Variants in EYS observed in about 807,000 individuals in gnomAD.
EYS encodes EGF-like photoreceptor maintenance factor, also known as protein eyes shut homolog.
EYS carries 250 observed loss-of-function variants against 282.1 expected under a neutral mutation model. The observed-to-expected ratio is 0.89, with a 90% confidence interval of 0.80 to 0.98. The LOEUF is 0.98. Ranked by LOEUF, EYS falls within the 50% of genes least tolerant of loss-of-function variation. The probability of loss-of-function intolerance (pLI) is 0.00; values close to 1 mark genes in which losing one functional copy is unlikely to be tolerated. For synonymous variants in EYS, 1,355 were observed against 1,282.9 expected (o/e 1.06, Z -1.20); for missense variants, 4,016 against 3,709.0 (o/e 1.08, Z -2.15).
chr6:64,406,918 T>A (rs1289775052), intron 28 of EYS, among the ~76,000 whole-genome samples: 2 of 151,994 alleles, frequency 1.3e-5, no homozygotes, highest in Non-Finnish European at 2.9e-5. Context: ...GATCTAGAAC[T>A]AGAAAATTGA....
chr6:64,191,632 T>C (rs1200152313), intron 31 of EYS, among the ~76,000 whole-genome samples: 1 of 152,194 alleles, frequency 6.6e-6, no homozygotes, highest in Non-Finnish European at 1.5e-5. Context: ...TCCAATTTCA[T>C]CCATGTCCCT....
chr6:64,456,643 C>T (rs1409811264), intron 26 of EYS, among the ~76,000 whole-genome samples: 1 of 151,904 alleles, frequency 6.6e-6, no homozygotes, highest in Non-Finnish European at 1.5e-5. Context: ...AAAGTTATTG[C>T]AACAAAAATT....
chr6:65,555,453 C>G (rs1039397401), intron 2 of EYS, among the ~76,000 whole-genome samples: 7 of 151,890 alleles, frequency 4.6e-5, no homozygotes, highest in African/African-American at 1.7e-4. Context: ...TATATTAGTT[C>G]ATATTACTTA....
chr6:64,376,488 C>T (rs561729040), intron 29 of EYS, among the ~76,000 whole-genome samples: 1 of 152,304 alleles, frequency 6.6e-6, no homozygotes, highest in South Asian at 2.1e-4. Flanking sequence ...GACATAATAT[C>T]TTAGAAACTT....
At chr6:65,013,078 G>GA (rs1466340286) in intron 13 of EYS, among the ~76,000 whole-genome samples, 1 of 152,072 alleles carries the variant, frequency 6.6e-6, no homozygotes, top group Non-Finnish European at 1.5e-5. Flanking sequence ...TACTCATGCA[G>GA]AAAAAATGAA....
At chr6:65,199,595 T>C (rs1765851420) in intron 12 of EYS, among the ~76,000 whole-genome samples, 1 of 152,062 alleles carries the variant, frequency 6.6e-6, no homozygotes, top group Non-Finnish European at 1.5e-5. Flanking sequence ...TCATAGCAAA[T>C]ATTATATAAG....
intron 21 of EYS, among the ~76,000 whole-genome samples, chr6:64,818,848 T>A (rs1764817981): frequency 6.6e-6 from 1 of 152,142 alleles, no homozygotes; most frequent in African/African-American, 2.4e-5. Context: ...TAATCTCCTT[T>A]GGCAATACTC....
chr6:64,598,513 T>C (rs1041195405), intron 24 of EYS, among the ~76,000 whole-genome samples: 6 of 152,180 alleles, frequency 3.9e-5, no homozygotes, highest in African/African-American at 9.6e-5. Context: ...GATGATATAG[T>C]AATTTCTATG....
At chr6:64,141,059 A>C (rs192844977) in intron 31 of EYS, among the ~76,000 whole-genome samples, 1 of 152,300 alleles carries the variant, frequency 6.6e-6, no homozygotes, top group East Asian at 1.9e-4. Context: ...TCATTGGATT[A>C]TTATTTTATA....
At chr6:64,223,020 C>A (rs924510253) in intron 31 of EYS, among the ~76,000 whole-genome samples, 1 of 151,798 alleles carries the variant, frequency 6.6e-6, no homozygotes, top group Non-Finnish European at 1.5e-5. Context: ...AACTTTCTTT[C>A]CTCTGCTTTT....
intron 7 of EYS, among the ~76,000 whole-genome samples, chr6:65,401,053 G>A (rs1480473753): frequency 6.6e-6 from 1 of 151,802 alleles, no homozygotes; most frequent in Non-Finnish European, 1.5e-5. Context: ...ATAAACACTA[G>A]AGACAAGGAA....
At chr6:65,546,708 A>G (rs1009697901) in intron 2 of EYS, among the ~76,000 whole-genome samples, 1 of 151,958 alleles carries the variant, frequency 6.6e-6, no homozygotes, top group Non-Finnish European at 1.5e-5. Context: ...AGTAACTGGG[A>G]TTACAGGCGC....
chr6:64,972,529 C>T (rs1484054270), intron 14 of EYS, among the ~76,000 whole-genome samples: 2 of 152,046 alleles, frequency 1.3e-5, no homozygotes, highest in African/African-American at 4.8e-5. Context: ...CTTCCTCACT[C>T]TACTCAATGT....
At chr6:65,164,270 C>T (rs532863603) in intron 12 of EYS, among the ~76,000 whole-genome samples, 29 of 151,254 alleles carry the variant, frequency 1.9e-4, no homozygotes, top group South Asian at 8.3e-4. Flanking sequence ...GGAAATCATG[C>T]GTATGTTATA....
At chr6:65,376,651 A>G (rs1765376426) in intron 8 of EYS, among the ~76,000 whole-genome samples, 1 of 152,214 alleles carries the variant, frequency 6.6e-6, no homozygotes, top group South Asian at 2.1e-4. Flanking sequence ...AAAGACATGT[A>G]TAGGCTCAAA....
At chr6:65,423,585 C>T (rs1279376545) in intron 5 of EYS, among the ~76,000 whole-genome samples, 2 of 151,878 alleles carry the variant, frequency 1.3e-5, no homozygotes, top group Non-Finnish European at 2.9e-5. Context: ...GATTCTGATG[C>T]TGCTGATACA....
At chr6:64,384,438 T>G (rs1364637054) in intron 29 of EYS, among the ~76,000 whole-genome samples, 1 of 152,150 alleles carries the variant, frequency 6.6e-6, no homozygotes, top group Non-Finnish European at 1.5e-5. Flanking sequence ...AGTGACTTAC[T>G]TACATCTGAA....
chr6:65,472,674 G>T (rs920166013), intron 5 of EYS, among the ~76,000 whole-genome samples: 2 of 151,926 alleles, frequency 1.3e-5, no homozygotes, highest in South Asian at 2.1e-4. Flanking sequence ...ATGAGATAAA[G>T]TTCAAAGAGA....
At chr6:64,491,571 C>G (rs1776741700) in intron 26 of EYS, among the ~76,000 whole-genome samples, 3 of 150,954 alleles carry the variant, frequency 2.0e-5, no homozygotes, top group Admixed American at 1.3e-4. Flanking sequence ...CAGTACTGGT[C>G]TAGACACTTT....
Sources: allele counts gnomAD v4.1 joint callset (sites outside exome capture counted in the v4.1 genomes callset), GRCh38; gene constraint gnomAD v4.1.1; transcripts MANE v1.5; gene names NCBI Gene and HGNC (gene_info 2026-07-23, HGNC 2026-07-21).